The following RASEF variants were observed in gnomAD, a reference collection of about 807,000 sequenced individuals.
The protein encoded by RASEF is ras and EF-hand domain-containing protein.
Under a neutral mutation model 90.1 loss-of-function variants are expected in RASEF, and 68 were observed. The ratio of observed to expected loss-of-function variants is 0.75; its 90% CI spans 0.62 to 0.92. The LOEUF is 0.92. Among genes scored for constraint, RASEF ranks in the 40% least tolerant of loss-of-function variants. The probability of loss-of-function intolerance (pLI) is 0.00; values close to 1 mark genes in which losing one functional copy is unlikely to be tolerated. For missense variants in RASEF, 949 were observed against 937.2 expected, an observed-to-expected ratio of 1.01 and a Z score of -0.16; for synonymous variants, 331 against 345.2, an observed-to-expected ratio of 0.96 and a Z score of 0.46.
At chr9:83,109,944 A>G in the RASEF span, among the ~76,000 whole-genome samples, 1 of 152,208 alleles carries the variant, frequency 6.6e-6, no homozygotes, top group Non-Finnish European at 1.5e-5. Flanking sequence ...ATATCACTTC[A>G]GTTCCCATTT....
chr9:83,118,247 G>C, the RASEF span, among the ~76,000 whole-genome samples: 11 of 151,978 alleles, frequency 7.2e-5, no homozygotes, highest in East Asian at 1.5e-3. Flanking sequence ...CATTAATGGA[G>C]AGTCCTTGAA....
chr9:83,131,840 T>G, the RASEF span, among the ~76,000 whole-genome samples: 3 of 152,200 alleles, frequency 2.0e-5, no homozygotes, highest in African/African-American at 7.2e-5. Flanking sequence ...GGCTTGCATA[T>G]ATATAGGATG....
the RASEF span, among the ~76,000 whole-genome samples, chr9:83,114,424 T>G: frequency 6.6e-6 from 1 of 152,152 alleles, no homozygotes; most frequent in Non-Finnish European, 1.5e-5. Context: ...TTGAACAATA[T>G]GAAATCTGGG....
intron 3 of RASEF, among the ~76,000 whole-genome samples, chr9:83,018,969 AT>A (rs767331446): frequency 7.2e-5 from 11 of 152,324 alleles, no homozygotes; most frequent in African/African-American, 2.4e-4. Context: ...CATAAAAAAA[AT>A]ATGAACATTG....
the RASEF span, among the ~76,000 whole-genome samples, chr9:83,193,503 A>G: frequency 6.6e-6 from 1 of 152,238 alleles, no homozygotes; most frequent in South Asian, 2.1e-4. Flanking sequence ...AAAATCCATT[A>G]CTGGAGTAAG....
At chr9:83,194,933 G>T in the RASEF span, among the ~76,000 whole-genome samples, 1 of 151,974 alleles carries the variant, frequency 6.6e-6, no homozygotes, top group Non-Finnish European at 1.5e-5. Flanking sequence ...CATATTCCTT[G>T]CCCCAGCCCT....
At chr9:83,193,600 T>C in the RASEF span, among the ~76,000 whole-genome samples, 1,696 of 152,274 alleles carry the variant, frequency 0.011, 32 homozygotes, top group African/African-American at 0.038. Context: ...TAATAAATGG[T>C]AGTTTTCTTC....
chr9:83,071,908 A>C, the RASEF span, among the ~76,000 whole-genome samples: 1 of 152,204 alleles, frequency 6.6e-6, no homozygotes, highest in South Asian at 2.1e-4. Context: ...TAGCCTTGGA[A>C]GTCCCAGGAC....
the RASEF span, among the ~76,000 whole-genome samples, chr9:83,212,746 G>T: frequency 2.0e-5 from 3 of 152,174 alleles, no homozygotes; most frequent in African/African-American, 7.2e-5. Flanking sequence ...GCTTTCTCCA[G>T]CATAGCCAGT....
intron 1 of RASEF, among the ~76,000 whole-genome samples, chr9:83,061,635 C>G (rs559875615): frequency 6.6e-6 from 1 of 152,326 alleles, no homozygotes; most frequent in Admixed American, 6.5e-5. Context: ...CCTCCAGGCC[C>G]TGAAATCCCA....
the RASEF span, among the ~76,000 whole-genome samples, chr9:83,070,887 A>G: frequency 6.6e-6 from 1 of 152,158 alleles, no homozygotes; most frequent in Admixed American, 6.5e-5. Flanking sequence ...ATGCTATTGT[A>G]GAAGACATAA....
chr9:83,039,022 T>TA (rs1413986389), intron 1 of RASEF, among the ~76,000 whole-genome samples: 1 of 152,190 alleles, frequency 6.6e-6, no homozygotes, highest in Non-Finnish European at 1.5e-5. Context: ...CTGTTCTGGT[T>TA]TTTTTGTTTT....
At position 83,062,849 on chromosome 9, in the gene RASEF, C is replaced by A. The variant is rs1385369203; in HGVS notation, c.19G>T (p.Gly7Ter). 2 of 1,530,120 alleles carry A rather than the reference C, an allele frequency of 1.3e-6. No individual in the cohort carries two copies. The highest frequency in any genetic ancestry group is 1.7e-6 in the Non-Finnish European group (2 of 1,149,338). 94.8% of individuals were successfully genotyped at this position (1,530,120 alleles called of 1,614,324 possible). A position where few individuals can be genotyped will look rare whatever the true frequency, so the allele number is the denominator to read the frequency against. Reference protein sequence around the residue: MEADGDGEELARLRSVF... With the variant: MEADGD ...GAGCGCAGCCGGGCCAGCTCCTCTC[C>A]GTCCCCATCCGCCTCCATCCCGCCT... Residue 7 changes from glycine to a stop codon, truncating the protein, a stop_gained, in exon 1 of 17, where the codon GGA (glycine) becomes TGA (stop). Transcript: ENST00000376447. LOFTEE classifies it high-confidence loss of function.
chr9:83,106,363 A>G, the RASEF span, among the ~76,000 whole-genome samples: 1 of 152,202 alleles, frequency 6.6e-6, no homozygotes, highest in East Asian at 1.9e-4. Flanking sequence ...TGTGCTTCCC[A>G]TCACCCCTTG....
the RASEF span, among the ~76,000 whole-genome samples, chr9:83,099,424 T>C: frequency 1.3e-5 from 2 of 152,230 alleles, no homozygotes; most frequent in African/African-American, 2.4e-5. Context: ...CTGTTCACCA[T>C]ACCGTGTTAC....
chr9:83,089,907 TAGATAGATA>T, the RASEF span, among the ~76,000 whole-genome samples: 30 of 139,264 alleles, frequency 2.2e-4, no homozygotes, highest in East Asian at 1.5e-3. Context: ...GATAGATAGA[TAGATAGATA>T]GATAGATAGA....
upstream of RASEF, chr9:83,063,310 G>C (rs565528135): frequency 3.0e-4 from 54 of 177,136 alleles, no homozygotes; most frequent in Admixed American, 3.8e-4. Flanking sequence ...CTGGGATTCG[G>C]GGGGAGCATT....
At chr9:83,037,360 T>C (rs749266754) in intron 1 of RASEF, among the ~76,000 whole-genome samples, 1 of 152,194 alleles carries the variant, frequency 6.6e-6, no homozygotes, top group African/African-American at 2.4e-5. Context: ...GTTTGTTTTT[T>C]TCCCCATCCA....
Position 83,000,581 on chromosome 9 carries a change from TAAAATGTCAGCAGTTAAATTAA to T in RASEF, c.1438-33_1438-12del. 7.0e-6 allele frequency: 11 copies of T among 1,579,388 alleles called. No individual in the cohort carries two copies. The highest frequency in any genetic ancestry group is 9.4e-6 in the Non-Finnish European group (11 of 1,165,684). ...CCTTATGTCAGGAACCTATTTTTTT[TAAAATGTCAGCAGTTAAATTAA>T]AAAATGTCAGCAGTTAAAATACAAA... On this transcript the variant is annotated splice_polypyrimidine_tract_variant and intron_variant, in intron 10 of 16. Transcript: ENST00000376447.
Sources: allele counts gnomAD v4.1 joint callset (sites outside exome capture counted in the v4.1 genomes callset), GRCh38; gene constraint gnomAD v4.1.1; transcripts MANE v1.5; gene names NCBI Gene and HGNC (gene_info 2026-07-23, HGNC 2026-07-21).